The following CACNA1C variants were observed in gnomAD, a reference collection of about 807,000 sequenced individuals.
CACNA1C encodes the protein calcium voltage-gated channel subunit alpha1 C.
Under a neutral mutation model 229.0 loss-of-function variants are expected in CACNA1C, and 30 were observed. The ratio of observed to expected loss-of-function variants is 0.13; its 90% confidence interval spans 0.10 to 0.18. The LOEUF (loss-of-function observed/expected upper bound fraction) is 0.18. Among genes scored for constraint, CACNA1C ranks in the 10% least tolerant of loss-of-function variants. CACNA1C has a pLI of 1.00. For synonymous variants in CACNA1C, 1,114 were observed against 1,132.5 expected (o/e 0.98, Z 0.33); for missense variants, 1,658 against 2,845.0 (o/e 0.58, Z 9.49).
chr12:2,091,496 C>T (rs143064127), intron 1 of CACNA1C, among the ~76,000 whole-genome samples: 458 of 152,322 alleles, frequency 3.0e-3, no homozygotes, highest in African/African-American at 0.01. Flanking sequence ...AGAATGCCCA[C>T]ATTCCTTGGC....
chr12:2,432,368 T>C (rs16929401), intron 3 of CACNA1C, among the ~76,000 whole-genome samples: 13,226 of 152,220 alleles, frequency 0.087, 750 homozygotes, highest in South Asian at 0.28. Context: ...GCCCTGGTGC[T>C]CACCATGATG....
chr12:2,616,691 T>C (rs1032438258), intron 29 of CACNA1C, among the ~76,000 whole-genome samples: 3 of 152,206 alleles, frequency 2.0e-5, no homozygotes, highest in African/African-American at 7.2e-5. Context: ...CCCATCAGCA[T>C]TTTATTGCCC....
chr12:2,179,175 T>C (rs572827172), intron 3 of CACNA1C, among the ~76,000 whole-genome samples: 15 of 152,370 alleles, frequency 9.8e-5, no homozygotes, highest in African/African-American at 3.6e-4. Context: ...TTAAAATGAA[T>C]GTTTGATGAC....
intron 3 of CACNA1C, among the ~76,000 whole-genome samples, chr12:2,326,401 A>G (rs1032891594): frequency 5.9e-5 from 9 of 152,236 alleles, no homozygotes; most frequent in African/African-American, 1.9e-4. Flanking sequence ...CATTTTAACC[A>G]GCTCTTCTAG....
intron 29 of CACNA1C, among the ~76,000 whole-genome samples, chr12:2,618,862 A>G (rs954226685): frequency 5.3e-5 from 8 of 152,186 alleles, no homozygotes; most frequent in African/African-American, 1.9e-4. Context: ...TTTTTCAGTC[A>G]TGTTTTCGGC....
At chr12:2,059,050 C>T (rs937983406) in intron 1 of CACNA1C, among the ~76,000 whole-genome samples, 1 of 152,188 alleles carries the variant, frequency 6.6e-6, no homozygotes, top group Admixed American at 6.5e-5. Flanking sequence ...GCATTCTCTA[C>T]TGCCCCCTTT....
In CACNA1C at chr12:2,214,739, C is replaced by G. The variant is rs775059433; in HGVS notation, c.477+94309C>G. Reference sequence around the variant, plus strand: ...TGCACTCCTTGGATAAGAGGTGTCACCGCCAGCCCCCTTCCTGTCTTCCCT... The same window carrying G: ...TGCACTCCTTGGATAAGAGGTGTCAGCGCCAGCCCCCTTCCTGTCTTCCCT... On this transcript the variant is annotated intron_variant, in intron 3 of 46. Coordinates refer to ENST00000399655, the MANE Select transcript of CACNA1C (RefSeq NM_000719.7). Among the ~76,000 whole-genome samples, 22 of 49,348 alleles carry G rather than the reference C, an allele frequency of 4.5e-4. 4 individuals are homozygous for G. Among genetic ancestry groups the G allele is most frequent in the African/African-American group, 9.1e-4 (6 of 6,570 alleles). 32.4% of individuals were successfully genotyped at this position (49,348 alleles called of 152,430 possible).
intron 3 of CACNA1C, among the ~76,000 whole-genome samples, chr12:2,185,127 A>C (rs996266696): frequency 1.3e-5 from 2 of 152,074 alleles, no homozygotes; most frequent in Non-Finnish European, 2.9e-5. Context: ...TGCCATCTCC[A>C]AGTTGTCTCT....
chr12:2,359,684 G>A (rs2097501929), intron 3 of CACNA1C, among the ~76,000 whole-genome samples: 1 of 152,058 alleles, frequency 6.6e-6, no homozygotes, highest in African/African-American at 2.4e-5. Context: ...ATAGGAGCAT[G>A]GATGAATGGT....
At chr12:2,220,967 A>G (rs2061323051) in intron 3 of CACNA1C, 1 of 152,258 alleles carries the variant, frequency 6.6e-6, no homozygotes, top group Admixed American at 6.5e-5. Context: ...AAGAGAAACA[A>G]GCAGAGTTTT....
chr12:2,024,160 T>C (rs1240655158), intron 1 of CACNA1C, among the ~76,000 whole-genome samples: 1 of 152,242 alleles, frequency 6.6e-6, no homozygotes, highest in East Asian at 1.9e-4. Flanking sequence ...TCTTTTCATT[T>C]ACTGCACTGC....
intron 3 of CACNA1C, among the ~76,000 whole-genome samples, chr12:2,328,038 A>AGTTCTTTG (rs2096397768): frequency 1.3e-5 from 2 of 152,250 alleles, no homozygotes; most frequent in South Asian, 2.1e-4. Flanking sequence ...ATAGGGGGGC[A>AGTTCTTTG]GTTCTTTGCA....
chr12:2,462,910 ATTT>A (rs147569410), intron 5 of CACNA1C, among the ~76,000 whole-genome samples: 4 of 120,934 alleles, frequency 3.3e-5, no homozygotes, highest in Admixed American at 8.8e-5. Context: ...CAAAAGTTGC[ATTT>A]TTTTTTTTTT....
chr12:2,054,044 C>G lies in CACNA1C; in HGVS notation c.49+433C>G, dbSNP rs2053483423. ...GGCTCGGGGCGCGGCTGGGAGCGCG[C>G]GCGCGCGCACCCTGCGCCGGCAGAG... On this transcript the variant is annotated intron_variant, in intron 1 of 46. Coordinates refer to ENST00000399655, the MANE Select transcript of CACNA1C (RefSeq NM_000719.7). The surrounding 1 kb of genome is among the most constrained non-coding windows in gnomAD (Gnocchi z 5.5). Among the ~76,000 whole-genome samples the G allele has an allele frequency of 6.8e-6, 1 of 146,768 alleles. No individual in the cohort carries two copies. The highest frequency in any genetic ancestry group is 1.5e-5 in the Non-Finnish European group (1 of 66,020).
intron 5 of CACNA1C, among the ~76,000 whole-genome samples, chr12:2,474,354 A>G (rs978586777): frequency 6.6e-6 from 1 of 152,214 alleles, no homozygotes; most frequent in Non-Finnish European, 1.5e-5. Context: ...AAGATTTTCC[A>G]GTGCTCTAGA....
chr12:2,137,570 T>C (rs1463138556), intron 3 of CACNA1C, among the ~76,000 whole-genome samples: 2 of 151,242 alleles, frequency 1.3e-5, no homozygotes, highest in Non-Finnish European at 3.0e-5. Context: ...AGACCCCATG[T>C]TTATTTTTTA....
chr12:2,448,930 C>T, intron 3 of CACNA1C, 46 bp from the exon 4 acceptor site: 1 of 1,544,382 alleles, frequency 6.5e-7, no homozygotes, highest in Non-Finnish European at 8.9e-7. Flanking sequence ...TCCAAATCCC[C>T]AAACCAATGA....
Position 2,579,729 on chromosome 12 carries a change from C to T in CACNA1C, c.1896-1861C>T, listed in dbSNP as rs375764185. Among the ~76,000 whole-genome samples the T allele has an allele frequency of 4.6e-5, 7 of 152,262 alleles. No homozygotes were observed. In the South Asian group the frequency reaches 6.2e-4, roughly 14 times the overall value. On this transcript the variant is annotated intron_variant, in intron 13 of 46. Transcript: ENST00000399655. ...CCCAGTAGGTGGGACTACAGGCATG[C>T]ACCACCACACCCAGCTAATTTTTTA...
At chr12:2,657,815 G>A (rs576048635) in intron 34 of CACNA1C, among the ~76,000 whole-genome samples, 5 of 152,080 alleles carry the variant, frequency 3.3e-5, no homozygotes, top group African/African-American at 9.7e-5. Context: ...CAATGTAGAC[G>A]TAATAATAGC....
Sources: allele counts gnomAD v4.1 joint callset (sites outside exome capture counted in the v4.1 genomes callset), GRCh38; gene constraint gnomAD v4.1.1; non-coding constraint Gnocchi (gnomAD v3.1); transcripts MANE v1.5; gene names NCBI Gene and HGNC (gene_info 2026-07-23, HGNC 2026-07-21).